PLXNA2: variants seen among roughly 807,000 people sequenced by gnomAD.
PLXNA2 encodes the protein plexin-A2.
PLXNA2 carries 91 observed loss-of-function variants against 193.5 expected under a neutral mutation model. The ratio of observed to expected loss-of-function variants is 0.47; its 90% CI spans 0.40 to 0.56. PLXNA2 has a LOEUF of 0.56. Among genes scored for constraint, PLXNA2 ranks in the 20% least tolerant of loss-of-function variants. The probability of loss-of-function intolerance (pLI) is 0.00; values close to 1 mark genes in which losing one functional copy is unlikely to be tolerated. For missense variants in PLXNA2, 1,995 were observed against 2,503.2 expected (o/e 0.80, Z 4.33); for synonymous variants, 997 against 1,027.3 (o/e 0.97, Z 0.56).
rs1467007825 is a variant in PLXNA2, at chr1:208,052,475, A to G, written c.2857-12T>C. 1 of 1,613,944 alleles carries G rather than the reference A, an allele frequency of 6.2e-7. No homozygotes were observed. The highest frequency in any genetic ancestry group is 1.7e-5 in the Admixed American group (1 of 60,012). ...AGCACAGAAGGGTTCTTTGGAAAGA[A>G]GCAGAGAAATGACTACAGCTTAGGT... On this transcript the variant is annotated splice_polypyrimidine_tract_variant and intron_variant, in intron 14 of 31. Transcript: ENST00000367033.
intron 3 of PLXNA2, among the ~76,000 whole-genome samples, chr1:208,176,051 T>C (rs1345673425): frequency 6.6e-6 from 1 of 152,188 alleles, no homozygotes; most frequent in African/African-American, 2.4e-5. Context: ...CAGTTTATAA[T>C]AGGCTTTCAA....
intron 10 of PLXNA2, among the ~76,000 whole-genome samples, chr1:208,083,859 T>C (rs538781798): frequency 6.7e-6 from 1 of 149,936 alleles, no homozygotes; most frequent in Admixed American, 6.6e-5. Context: ...TTCCTGTCCC[T>C]CTCTTCTCCA....
At chr1:208,226,472 G>C (rs973783385) in intron 1 of PLXNA2, among the ~76,000 whole-genome samples, 3 of 152,174 alleles carry the variant, frequency 2.0e-5, no homozygotes, top group African/African-American at 7.2e-5. Flanking sequence ...AAAGTTTGGA[G>C]TTGTATCCCT....
At chr1:208,163,170 G>A (rs1003579481) in intron 3 of PLXNA2, among the ~76,000 whole-genome samples, 4 of 152,174 alleles carry the variant, frequency 2.6e-5, no homozygotes, top group African/African-American at 9.7e-5. Flanking sequence ...GTGTGAGTGT[G>A]GCAGAAGTGG....
chr1:208,240,873 C>T (rs1355623478), intron 1 of PLXNA2, among the ~76,000 whole-genome samples: 1 of 152,034 alleles, frequency 6.6e-6, no homozygotes, highest in Non-Finnish European at 1.5e-5. Context: ...TGTGGCAATG[C>T]AGGGAGACAG....
chr1:208,109,408 C>A (rs1394205824), intron 4 of PLXNA2, among the ~76,000 whole-genome samples: 2 of 152,234 alleles, frequency 1.3e-5, no homozygotes, highest in Non-Finnish European at 2.9e-5. Context: ...ATCTGACACT[C>A]ATTTACACAC....
intron 29 of PLXNA2, 57 bp from the exon 30 acceptor site, chr1:208,029,099 G>A: frequency 1.3e-6 from 2 of 1,598,888 alleles, no homozygotes; most frequent in East Asian, 2.2e-5. Context: ...CCCTTCTGCT[G>A]CCCACTGATA....
At chr1:208,095,735 T>C (rs1286783339) in intron 8 of PLXNA2, among the ~76,000 whole-genome samples, 1 of 152,212 alleles carries the variant, frequency 6.6e-6, no homozygotes, top group Non-Finnish European at 1.5e-5. Flanking sequence ...AAGAACTTTT[T>C]TTACGGTTCC....
At chr1:208,049,625 T>G (rs1665191259) in intron 17 of PLXNA2, among the ~76,000 whole-genome samples, 1 of 152,214 alleles carries the variant, frequency 6.6e-6, no homozygotes, top group South Asian at 2.1e-4. Context: ...AGTCTGGATG[T>G]TTGGGATCCA....
chr1:208,034,627 G>A, intron 26 of PLXNA2, 35 bp from the exon 27 acceptor site: 2 of 1,324,034 alleles, frequency 1.5e-6, no homozygotes, highest in East Asian at 4.6e-5. Context: ...TACAAAAGGT[G>A]AATGTAGGTG....
At chr1:208,084,996 C>G (rs564783301) in intron 9 of PLXNA2, among the ~76,000 whole-genome samples, 1 of 152,250 alleles carries the variant, frequency 6.6e-6, no homozygotes, top group African/African-American at 2.4e-5. Context: ...CATCCGTTAT[C>G]AGCAGCTTCA....
chr1:208,195,577 G>C (rs1000947622), intron 3 of PLXNA2, among the ~76,000 whole-genome samples: 7 of 151,334 alleles, frequency 4.6e-5, no homozygotes, highest in African/African-American at 1.7e-4. Flanking sequence ...TCCCCAAAGA[G>C]TGGGGAGATT....
intron 4 of PLXNA2, among the ~76,000 whole-genome samples, chr1:208,122,963 T>C (rs1288951394): frequency 3.3e-5 from 5 of 152,030 alleles, no homozygotes; most frequent in Admixed American, 3.3e-4. Context: ...GATTGCGCAA[T>C]TCAATGGTGT....
chr1:208,155,596 T>A (rs758481514), intron 3 of PLXNA2, among the ~76,000 whole-genome samples: 1 of 152,180 alleles, frequency 6.6e-6, no homozygotes, highest in Non-Finnish European at 1.5e-5. Flanking sequence ...AGTTGGAAAG[T>A]ACCAGAGAAA....
chr1:208,042,135 G>A lies in PLXNA2; in HGVS notation c.4249C>T (p.Leu1417=). 1 of 1,614,190 alleles carries A rather than the reference G, an allele frequency of 6.2e-7. No homozygotes were observed. Among genetic ancestry groups the A allele is most frequent in the South Asian group, 1.1e-5 (1 of 91,076 alleles). ...QLLSDLIDKN[L]ENKNHPKLLL... ...AGCTTGGGGTGGTTCTTGTTCTCCA[G>A]GTTCTTATCGATGAGGTCAGAGAGC... The change falls in exon 22 of 32, where the codon CTG becomes TTG. Residue 1417 remains leucine, a synonymous_variant. Coordinates refer to ENST00000367033, the MANE Select transcript of PLXNA2 (RefSeq NM_025179.4).
rs1176189302 is a variant in PLXNA2, at chr1:208,034,538, T to C, written c.4819A>G (p.Ile1607Val). ...CGGGAGATGCTGGCAGAGGCAGGGATGTTGTAGGAGGAGGTCTGTTTGGGG... is the reference window on the plus strand; with the variant it reads ...CGGGAGATGCTGGCAGAGGCAGGGACGTTGTAGGAGGAGGTCTGTTTGGGG... ...LVPKQTSSYNIPASASISRTS... is the reference protein window; with the variant it reads ...LVPKQTSSYNVPASASISRTS... Residue 1607 changes from isoleucine to valine, a missense_variant, in exon 27 of 32, where the codon ATC becomes GTC. Ile to Val is a conservative substitution (Grantham distance 29, BLOSUM62 3). Coordinates refer to ENST00000367033, the MANE Select transcript of PLXNA2 (RefSeq NM_025179.4). 3 of 1,613,894 alleles carry C rather than the reference T, an allele frequency of 1.9e-6. No individual in the cohort carries two copies. The highest frequency in any genetic ancestry group is 2.5e-6 in the Non-Finnish European group (3 of 1,179,910).
intron 3 of PLXNA2, among the ~76,000 whole-genome samples, chr1:208,157,445 G>T (rs1334877144): frequency 1.3e-5 from 2 of 152,170 alleles, no homozygotes; most frequent in African/African-American, 4.8e-5. Context: ...TGTACCTGTT[G>T]TACATTGCCT....
intron 12 of PLXNA2, among the ~76,000 whole-genome samples, chr1:208,072,222 T>C (rs982697553): frequency 6.6e-6 from 1 of 152,142 alleles, no homozygotes; most frequent in Non-Finnish European, 1.5e-5. Context: ...TAGGGAGGTG[T>C]TGGAGAAGTT....
chr1:208,047,176 G>A (rs1483752066), intron 17 of PLXNA2, among the ~76,000 whole-genome samples: 4 of 152,098 alleles, frequency 2.6e-5, no homozygotes, highest in Non-Finnish European at 5.9e-5. Flanking sequence ...TGCCAGGCTG[G>A]TCCTGAACTC....
Sources: gnomAD v4.1 joint callset for allele counts (sites outside exome capture counted in the v4.1 genomes callset) on GRCh38, gnomAD v4.1.1 for gene constraint, MANE v1.5 for transcripts, NCBI Gene and HGNC (gene_info 2026-07-23, HGNC 2026-07-21) for gene names.